MARCHF6: variants seen among roughly 807,000 people sequenced by gnomAD.
MARCHF6 encodes the protein E3 ubiquitin-protein ligase MARCHF6.
MARCHF6 carries 31 observed loss-of-function variants against 133.7 expected under a neutral mutation model. That is an observed-to-expected ratio of 0.23 (90% CI 0.17 to 0.31). The LOEUF (loss-of-function observed/expected upper bound fraction) is 0.31, where lower values mean the gene tolerates loss of function less well. Among genes scored for constraint, MARCHF6 ranks in the 10% least tolerant of loss-of-function variants. The probability of loss-of-function intolerance (pLI) is 1.00; values close to 1 mark genes in which losing one functional copy is unlikely to be tolerated. For missense variants in MARCHF6, 723 were observed against 1,121.6 expected, an observed-to-expected ratio of 0.64 and a Z score of 5.08; for synonymous variants, 395 against 402.5, an observed-to-expected ratio of 0.98 and a Z score of 0.22.
rs1445123378 is a variant in MARCHF6, at chr5:10,435,734, C to T, written c.*2050C>T. The stretch of plus-strand genomic sequence containing the variant: ...TTTTTTTTTTTTTTTTTTTTGCCCC[C>T]GAGACAGAGTCTTACTCTGTTGCCC... On this transcript the variant is annotated 3_prime_UTR_variant, in exon 26 of 26. Transcript: ENST00000274140. 2.2e-5 allele frequency: 2 copies of T among 91,606 alleles called. No homozygotes were observed. Among genetic ancestry groups the T allele is most frequent in the Non-Finnish European group, 4.1e-5 (2 of 48,834 alleles). 5.7% of individuals were successfully genotyped at this position (91,606 alleles called of 1,614,324 possible). A position where few individuals can be genotyped will look rare whatever the true frequency, so the allele number is the denominator to read the frequency against.
chr5:10,409,983 G>A (rs1311794641), intron 17 of MARCHF6, among the ~76,000 whole-genome samples, 156 bp from the exon 18 acceptor site: 1 of 152,188 alleles, frequency 6.6e-6, no homozygotes, highest in African/African-American at 2.4e-5. Flanking sequence ...ATTTGGTGGA[G>A]TTTGTGGGGA....
At chr5:10,417,494 C>G in intron 22 of MARCHF6, 90 bp downstream of exon 22, 3 of 1,543,526 alleles carry the variant, frequency 1.9e-6, no homozygotes, top group Admixed American at 1.9e-5. Context: ...CGCCTATAAT[C>G]TAGCACTTTG....
chr5:10,359,236 A>G (rs1287493522), intron 1 of MARCHF6, among the ~76,000 whole-genome samples: 2 of 152,216 alleles, frequency 1.3e-5, no homozygotes, highest in Non-Finnish European at 2.9e-5. Context: ...TTATGAAGAA[A>G]AAGTCGAATT....
chr5:10,357,468 C>T (rs1215634220), intron 1 of MARCHF6, among the ~76,000 whole-genome samples: 7 of 151,474 alleles, frequency 4.6e-5, no homozygotes, highest in African/African-American at 7.3e-5. Context: ...TTATGCTTTA[C>T]GGAACATATT....
chr5:10,402,197 T>G (rs955992734), intron 12 of MARCHF6, 58 bp downstream of exon 12: 1 of 1,241,018 alleles, frequency 8.1e-7, no homozygotes, highest in Non-Finnish European at 1.2e-6. Flanking sequence ...CAAAGAACTC[T>G]TCATTAATGG....
intron 10 of MARCHF6, among the ~76,000 whole-genome samples, chr5:10,400,426 C>A (rs1197159970): frequency 6.6e-6 from 1 of 152,060 alleles, no homozygotes; most frequent in Non-Finnish European, 1.5e-5. Flanking sequence ...GTTGCTTTTT[C>A]TCTTTTCGTG....
At chr5:10,395,992 A>G (rs1473782526) in intron 9 of MARCHF6, among the ~76,000 whole-genome samples, 1 of 152,244 alleles carries the variant, frequency 6.6e-6, no homozygotes, top group South Asian at 2.1e-4. Flanking sequence ...TTACCCCATC[A>G]GTTCCTCATA....
At chr5:10,373,797 C>T (rs552298270) in intron 1 of MARCHF6, among the ~76,000 whole-genome samples, 38 of 152,292 alleles carry the variant, frequency 2.5e-4, no homozygotes, top group African/African-American at 7.9e-4. Context: ...TTGCACCCAC[C>T]CTCCCTGGTA....
chr5:10,402,128 A>T lies in MARCHF6; in HGVS notation c.1042A>T (p.Ile348Leu). Residue 348 changes from isoleucine (I) to leucine (L), a missense_variant, in exon 12 of 26, where the codon ATA becomes TTA. This residue lies in a region of MARCHF6 where 492 missense variants were observed against 699.5 expected (regional missense o/e 0.70). Coordinates refer to ENST00000274140, the MANE Select transcript of MARCHF6 (RefSeq NM_005885.4). Reference protein sequence around the residue: ...VGYILLAITLIICHGLATLVK... With the variant: ...VGYILLAITLLICHGLATLVK... ...GTATATACTTTTAGCAATAACACTG[A>T]TAATTTGTCATGTATCCTTTAATGA... The T allele has an allele frequency of 6.3e-7, 1 of 1,596,906 alleles. No individual in the cohort carries two copies. Among genetic ancestry groups the T allele is most frequent in the Non-Finnish European group, 8.6e-7 (1 of 1,166,262 alleles).
intron 21 of MARCHF6, among the ~76,000 whole-genome samples, chr5:10,416,538 A>C (rs1739524020): frequency 6.6e-6 from 1 of 152,236 alleles, no homozygotes; most frequent in African/African-American, 2.4e-5. Context: ...CCACATTATT[A>C]GAAAGTGCCA....
intron 17 of MARCHF6, among the ~76,000 whole-genome samples, chr5:10,408,851 T>C (rs1396403703): frequency 6.6e-6 from 1 of 152,232 alleles, no homozygotes; most frequent in Admixed American, 6.5e-5. Flanking sequence ...CATTCCATCC[T>C]TTAAAATTGT....
intron 10 of MARCHF6, among the ~76,000 whole-genome samples, chr5:10,398,298 A>G (rs951984243): frequency 6.6e-6 from 1 of 152,212 alleles, no homozygotes; most frequent in African/African-American, 2.4e-5. Context: ...ATAAGAAGCC[A>G]TGTGGTGTAA....
intron 22 of MARCHF6, among the ~76,000 whole-genome samples, chr5:10,418,622 T>C (rs774875187): frequency 8.7e-4 from 133 of 152,214 alleles, no homozygotes; most frequent in Non-Finnish European, 1.6e-3. Context: ...TTGCAATGGA[T>C]TTTTCAGAAA....
Position 10,394,799 on chromosome 5 carries a change from ATT to A in MARCHF6, c.861+31_861+32del, listed in dbSNP as rs201911419. ...CTAGTTTTTCTGGTAAGTAAAACTA[ATT>A]TTTTTTTTTTTTTTTTGAGACGGAA... On this transcript the variant is annotated intron_variant, in intron 9 of 25. Coordinates refer to ENST00000274140, the MANE Select transcript of MARCHF6 (RefSeq NM_005885.4). 9.7e-3 allele frequency: 11,756 copies of A among 1,208,352 alleles called. No homozygotes were observed. Among genetic ancestry groups the A allele is most frequent in the Admixed American group, 0.013 (528 of 41,312 alleles). The allele number at this position is 1,208,352 out of a possible 1,614,324, so 74.9% of individuals were successfully genotyped here.
At chr5:10,433,381 A>G (rs868133668) in intron 25 of MARCHF6, among the ~76,000 whole-genome samples, 1 of 152,312 alleles carries the variant, frequency 6.6e-6, no homozygotes, top group Middle Eastern at 3.4e-3. Flanking sequence ...ATTGCACAGC[A>G]TTGGAGGCCT....
intron 1 of MARCHF6, chr5:10,354,493 C>G (rs1303419867): frequency 1.3e-5 from 2 of 152,166 alleles, no homozygotes; most frequent in East Asian, 1.9e-4. Context: ...TCTTTTGTTG[C>G]GATCCATTTG....
At chr5:10,408,934 G>A (rs1206434889) in intron 17 of MARCHF6, among the ~76,000 whole-genome samples, 2 of 152,068 alleles carry the variant, frequency 1.3e-5, no homozygotes, top group East Asian at 1.9e-4. Context: ...ATCCCAGATG[G>A]CAGAAATCAT....
intron 11 of MARCHF6, chr5:10,401,183 G>T: frequency 4.7e-6 from 1 of 211,412 alleles, no homozygotes; most frequent in South Asian, 1.1e-4. Flanking sequence ...ATTTAGAAAA[G>T]TAACAATATA....
intron 1 of MARCHF6, among the ~76,000 whole-genome samples, chr5:10,373,106 T>C (rs1257307801): frequency 6.6e-6 from 1 of 151,746 alleles, no homozygotes; most frequent in African/African-American, 2.4e-5. Context: ...AAAACTTAAG[T>C]GTTACTAGGA....
Sources: allele counts gnomAD v4.1 joint callset (sites outside exome capture counted in the v4.1 genomes callset), GRCh38; gene constraint gnomAD v4.1.1; regional missense constraint gnomAD v4.1.1; transcripts MANE v1.5; gene names NCBI Gene and HGNC (gene_info 2026-07-23, HGNC 2026-07-21).